The following COL2A1 variants were observed in gnomAD, a reference collection of about 807,000 sequenced individuals.
The protein encoded by COL2A1 is collagen type II alpha 1 chain, also known as collagen alpha-1(II) chain.
In COL2A1, 28 loss-of-function variants were observed where a neutral mutation model predicts 204.5. The observed-to-expected ratio is 0.14, with a 90% CI of 0.10 to 0.19. The LOEUF is 0.19. Among genes scored for constraint, COL2A1 ranks in the 10% least tolerant of loss-of-function variants. COL2A1 has a pLI of 1.00. For missense variants in COL2A1, 1,388 were observed against 2,027.5 expected, an observed-to-expected ratio of 0.68 and a Z score of 6.06; for synonymous variants, 708 against 718.7, an observed-to-expected ratio of 0.99 and a Z score of 0.24.
intron 12 of COL2A1, 94 bp downstream of exon 12, chr12:47,994,330 G>T: frequency 7.3e-7 from 1 of 1,367,144 alleles, no homozygotes; most frequent in Non-Finnish European, 1.0e-6. Flanking sequence ...TTTCATCTCA[G>T]AAGTGACCTC....
In COL2A1 at chr12:47,980,443, G is replaced by T; in HGVS notation, c.2625+111C>A. ...TGGAAGCTCCTTCTACCAACATGGG[G>T]GTGTTCCCAGGCCTGCGAACCATCC... On this transcript the variant is annotated intron_variant, in intron 39 of 53. Transcript: ENST00000380518. The surrounding 1 kb of genome is among the most constrained non-coding windows in gnomAD (Gnocchi z 4.5). 1 of 962,570 alleles carries T rather than the reference G, an allele frequency of 1.0e-6. No homozygotes were observed. The highest frequency in any genetic ancestry group is 2.0e-5 in the Admixed American group (1 of 50,328). The allele number at this position is 962,570 out of a possible 1,614,324, so 59.6% of individuals were successfully genotyped here. A position where few individuals can be genotyped will look rare whatever the true frequency, so the allele number is the denominator to read the frequency against.
At chr12:47,983,045 C>A (rs375099817) in intron 32 of COL2A1, 48 bp downstream of exon 32, 624 of 1,610,410 alleles carry the variant, frequency 3.9e-4, no homozygotes, top group Non-Finnish European at 4.9e-4. Context: ...GCATAGGACC[C>A]AGGGCAGGCC....
intron 18 of COL2A1, among the ~76,000 whole-genome samples, chr12:47,988,747 A>T (rs1306514618): frequency 6.6e-6 from 1 of 152,196 alleles, no homozygotes; most frequent in Non-Finnish European, 1.5e-5. Context: ...CCTCCAGAGA[A>T]CTCCGTTAAC....
chr12:48,004,646 C>T (rs954588304), upstream of COL2A1: 1 of 232,280 alleles, frequency 4.3e-6, no homozygotes, highest in Non-Finnish European at 8.4e-6. Flanking sequence ...AAGCCGGACC[C>T]CCCTCTCTGG....
At chr12:47,973,902 G>A (rs1331967529) in intron 53 of COL2A1, among the ~76,000 whole-genome samples, 187 bp downstream of exon 53, 1 of 152,188 alleles carries the variant, frequency 6.6e-6, no homozygotes, top group African/African-American at 2.4e-5. Context: ...CAGGGGAATG[G>A]AGAAGATGGA....
At chr12:47,993,777 T>C in intron 14 of COL2A1, 32 bp downstream of exon 14, 1 of 1,611,364 alleles carries the variant, frequency 6.2e-7, no homozygotes, top group Non-Finnish European at 8.5e-7. Flanking sequence ...GTCTCCCTCC[T>C]CCCCATCCCA....
rs1940072293 is a variant in COL2A1, at chr12:47,998,476, G to A, written c.293-45C>T. ...GAGAAGAAGAAGGTAAGAATCTTGA[G>A]ATGGAAAAATACCTATTCTTGTCAC... is the stretch of plus-strand genomic sequence containing the variant. On this transcript the variant is annotated intron_variant, in intron 2 of 53. Transcript: ENST00000380518. The A allele has an allele frequency of 1.9e-6, 3 of 1,599,476 alleles. No homozygotes were observed. The East Asian group carries it at 6.7e-5, about 36-fold the overall frequency.
chr12:47,984,087 A>G lies in COL2A1; in HGVS notation c.1941T>C (p.Ala647=), dbSNP rs1435357601. 6.2e-7 allele frequency: 1 copy of G among 1,612,218 alleles called. No homozygotes were observed. The highest frequency in any genetic ancestry group is 8.5e-7 in the Non-Finnish European group (1 of 1,179,340). Residue 647 remains alanine (A), a splice_region_variant and synonymous_variant, in exon 29 of 54, where the codon GCT becomes GCC. Transcript: ENST00000380518. ...ETGAAGPPGP[A]GPAGERGEQG... ...CTGGGGAGGCTGGGCAGGTACTTACAGCAGGGCCAGGGGGTCCTGCAGCAC... is the reference window on the plus strand; with the variant it reads ...CTGGGGAGGCTGGGCAGGTACTTACGGCAGGGCCAGGGGGTCCTGCAGCAC...
chr12:48,005,893 C>T (rs1940451996), upstream of COL2A1, among the ~76,000 whole-genome samples: 1 of 152,232 alleles, frequency 6.6e-6, no homozygotes, highest in Admixed American at 6.5e-5. Flanking sequence ...GGACCCCATC[C>T]CTAGCCTATC....
intron 22 of COL2A1, 94 bp downstream of exon 22, chr12:47,986,741 C>T (rs1939440467): frequency 7.1e-7 from 1 of 1,412,454 alleles, no homozygotes; most frequent in Non-Finnish European, 1.0e-6. Flanking sequence ...GGGGATAGAG[C>T]CCTGGAGGAG....
At chr12:47,995,983 ATCT>A (rs1939942392) in intron 8 of COL2A1, 64 bp from the exon 9 acceptor site, 1 of 1,343,960 alleles carries the variant, frequency 7.4e-7, no homozygotes, top group African/African-American at 1.4e-5. Flanking sequence ...CCAGTGTGCC[ATCT>A]TCTCCCAGCC....
In COL2A1 at chr12:47,980,508, G is replaced by A. The variant is rs1938995011; in HGVS notation, c.2625+46C>T. 6.6e-7 allele frequency: 1 copy of A among 1,516,724 alleles called. No individual in the cohort carries two copies. The highest frequency in any genetic ancestry group is 9.0e-7 in the Non-Finnish European group (1 of 1,111,332). 94.0% of individuals were successfully genotyped at this position (1,516,724 alleles called of 1,614,324 possible). On this transcript the variant is annotated intron_variant, in intron 39 of 53. Coordinates refer to ENST00000380518, the MANE Select transcript of COL2A1 (RefSeq NM_001844.5). The surrounding 1 kb of genome is among the most constrained non-coding windows in gnomAD (Gnocchi z 4.5). ...TGGGGCCTTCCCATCTGCACGCCAG[G>A]AGCCCTTCCTTGAGGGAACAATTCT...
In COL2A1 at chr12:47,987,255, C is replaced by T. The variant is rs376892669; in HGVS notation, c.1266+14G>A. ...GGCTCTCCTGGGGTAGCAAAGTCCACGGGCAACACTCACAGCAGATCCTTT... is the reference window on the plus strand; with the variant it reads ...GGCTCTCCTGGGGTAGCAAAGTCCATGGGCAACACTCACAGCAGATCCTTT... On this transcript the variant is annotated intron_variant, in intron 20 of 53. Transcript: ENST00000380518. The surrounding 1 kb of genome is among the most constrained non-coding windows in gnomAD (Gnocchi z 4.1). 126 of 1,614,002 alleles carry T rather than the reference C, an allele frequency of 7.8e-5. No individual in the cohort carries two copies. Among genetic ancestry groups the T allele is most frequent in the African/African-American group, 5.1e-4 (38 of 74,978 alleles).
In COL2A1 at chr12:47,989,295, G is replaced by A. The variant is rs1359886508; in HGVS notation, c.1069-14C>T. Reference sequence around the variant, plus strand: ...ACCGACAGGACCCTGGAGAGAGTAGGCGGATGAGAAGAGAGGTGAATGCCA... The same window carrying A: ...ACCGACAGGACCCTGGAGAGAGTAGACGGATGAGAAGAGAGGTGAATGCCA... On this transcript the variant is annotated splice_polypyrimidine_tract_variant and intron_variant, in intron 17 of 53. Transcript: ENST00000380518. The A allele has an allele frequency of 2.5e-6, 4 of 1,611,436 alleles. No homozygotes were observed. The highest frequency in any genetic ancestry group is 2.5e-6 in the Non-Finnish European group (3 of 1,179,198).
chr12:47,989,082 G>T, intron 18 of COL2A1, 146 bp downstream of exon 18: 1 of 724,038 alleles, frequency 1.4e-6, no homozygotes, highest in Non-Finnish European at 2.5e-6. Context: ...TGCCCTGCCT[G>T]GATGGAGGGG....
At chr12:48,002,352 G>A (rs1940274264) in intron 1 of COL2A1, among the ~76,000 whole-genome samples, 2 of 152,200 alleles carry the variant, frequency 1.3e-5, no homozygotes, top group South Asian at 2.1e-4. Flanking sequence ...CCGAGCTCTA[G>A]GTGTCTGACA....
At chr12:47,986,664 A>C (rs1233656325) in intron 22 of COL2A1, among the ~76,000 whole-genome samples, 171 bp downstream of exon 22, 1 of 152,238 alleles carries the variant, frequency 6.6e-6, no homozygotes, top group African/African-American at 2.4e-5. Context: ...TGGGAGCTGA[A>C]GCTGTATCTG....
intron 40 of COL2A1, 47 bp downstream of exon 40, chr12:47,979,962 A>T (rs1319744313): frequency 1.3e-6 from 2 of 1,510,300 alleles, no homozygotes; most frequent in Non-Finnish European, 1.8e-6. Context: ...CTCTGGGGCC[A>T]GGCCTCTTTG....
At chr12:47,993,000 T>C in intron 15 of COL2A1, 69 bp from the exon 16 acceptor site, 2 of 1,470,394 alleles carry the variant, frequency 1.4e-6, no homozygotes, top group Non-Finnish European at 1.9e-6. Flanking sequence ...CATTTCTACC[T>C]GCAGGCCCTT....
Sources: gnomAD v4.1 joint callset for allele counts (sites outside exome capture counted in the v4.1 genomes callset) on GRCh38, gnomAD v4.1.1 for gene constraint, Gnocchi (gnomAD v3.1) non-coding constraint, MANE v1.5 for transcripts, NCBI Gene and HGNC (gene_info 2026-07-23, HGNC 2026-07-21) for gene names.